The following PCSK6 variants were observed in gnomAD, a reference collection of about 807,000 sequenced individuals.
PCSK6 encodes proprotein convertase subtilisin/kexin type 6, also known as paired basic amino acid cleaving enzyme 4.
PCSK6 carries 85 observed loss-of-function variants against 123.3 expected under a neutral mutation model. The observed-to-expected ratio is 0.69, with a 90% CI of 0.58 to 0.83. The LOEUF (loss-of-function observed/expected upper bound fraction) is 0.83. Among genes scored for constraint, PCSK6 ranks in the 40% least tolerant of loss-of-function variants. PCSK6 has a pLI of 0.00. For missense variants in PCSK6, 1,191 were observed against 1,282.3 expected (o/e 0.93, Z 1.09); for synonymous variants, 508 against 516.0 (o/e 0.98, Z 0.21).
At chr15:101,384,882 T>G (rs2042015357) in intron 9 of PCSK6, among the ~76,000 whole-genome samples, 1 of 152,228 alleles carries the variant, frequency 6.6e-6, no homozygotes, top group South Asian at 2.1e-4. Context: ...TAATTCAAGA[T>G]TTTATATATG....
At chr15:101,426,268 G>A (rs538365877) in intron 6 of PCSK6, among the ~76,000 whole-genome samples, 1 of 152,220 alleles carries the variant, frequency 6.6e-6, no homozygotes. Context: ...AAACTGGGGA[G>A]GCAGCTGCCT....
intron 11 of PCSK6, among the ~76,000 whole-genome samples, chr15:101,381,713 T>G (rs1350571676): frequency 6.6e-6 from 1 of 152,180 alleles, no homozygotes; most frequent in African/African-American, 2.4e-5. Context: ...TAGCCGGTGG[T>G]GACAGAAAGG....
chr15:101,333,030 G>A (rs2040402806), intron 13 of PCSK6, among the ~76,000 whole-genome samples: 1 of 152,346 alleles, frequency 6.6e-6, no homozygotes, highest in South Asian at 2.1e-4. Flanking sequence ...TCCACCATAA[G>A]TTGAAAATAT....
chr15:101,477,494 T>G (rs1304985964), intron 1 of PCSK6, among the ~76,000 whole-genome samples: 2 of 152,240 alleles, frequency 1.3e-5, no homozygotes, highest in Non-Finnish European at 2.9e-5. Context: ...AACCTGCATA[T>G]GAGTGTGCAC....
At chr15:101,453,453 T>A (rs2057087232) in intron 1 of PCSK6, among the ~76,000 whole-genome samples, 2 of 152,164 alleles carry the variant, frequency 1.3e-5, no homozygotes, top group African/African-American at 4.8e-5. Flanking sequence ...TTGGGTGAGG[T>A]ACCCCCGATG....
intron 13 of PCSK6, 121 bp from the exon 14 acceptor site, chr15:101,332,152 C>A (rs1212716769): frequency 7.0e-6 from 6 of 856,206 alleles, no homozygotes; most frequent in South Asian, 5.6e-5. Context: ...GCTACCTTCA[C>A]TTCCTGGTTA....
intron 8 of PCSK6, among the ~76,000 whole-genome samples, chr15:101,390,434 C>G (rs903557): frequency 0.84 from 110,454 of 131,442 alleles, 46,493 homozygotes; most frequent in African/African-American, 0.89. Context: ...CGACCTTAAA[C>G]CAGGAAGATT....
intron 1 of PCSK6, among the ~76,000 whole-genome samples, chr15:101,460,375 C>T (rs2057314302): frequency 6.6e-6 from 1 of 152,238 alleles, no homozygotes; most frequent in South Asian, 2.1e-4. Context: ...ACCCAGGCCC[C>T]CTGCCTACCT....
chr15:101,337,012 T>TG, intron 13 of PCSK6: 1 of 139,548 alleles, frequency 7.2e-6, no homozygotes, highest in South Asian at 2.2e-4. Context: ...TCTCTCTCTC[T>TG]TTTTTTTTTT....
chr15:101,475,152 G>A (rs78261724), intron 1 of PCSK6, among the ~76,000 whole-genome samples: 11,519 of 152,136 alleles, frequency 0.076, 444 homozygotes, highest in East Asian at 0.12. Flanking sequence ...CCTATATTCC[G>A]TTCACTACTC....
At chr15:101,360,552 T>C (rs1215290766) in intron 13 of PCSK6, among the ~76,000 whole-genome samples, 29 of 119,206 alleles carry the variant, frequency 2.4e-4, no homozygotes, top group Non-Finnish European at 3.4e-4. Flanking sequence ...GGCCTTAGCA[T>C]CCCCTGGAAC....
At chr15:101,425,483 T>C (rs114023818) in intron 6 of PCSK6, among the ~76,000 whole-genome samples, 22 of 152,338 alleles carry the variant, frequency 1.4e-4, no homozygotes, top group African/African-American at 5.1e-4. Context: ...TCTTTATTGT[T>C]AGTTGTCACT....
chr15:101,380,280 C>G (rs189482334), intron 11 of PCSK6, among the ~76,000 whole-genome samples: 1 of 152,326 alleles, frequency 6.6e-6, no homozygotes, highest in Non-Finnish European at 1.5e-5. Flanking sequence ...ACTCTGCCAT[C>G]TTAAAACGAT....
chr15:101,324,856 C>T lies in PCSK6; in HGVS notation c.2371G>A (p.Asp791Asn), dbSNP rs1260794297. The T allele has an allele frequency of 2.5e-6, 4 of 1,610,202 alleles. No individual in the cohort carries two copies. Among genetic ancestry groups the T allele is most frequent in the East Asian group, 2.2e-5 (1 of 44,804 alleles). The change falls in exon 17 of 22, where the codon GAT becomes AAT. Residue 791 changes from aspartate to asparagine, a missense_variant. Asp to Asn is a conservative substitution (Grantham distance 23, BLOSUM62 1). Around this residue, in one of 3 missense-constraint regions of PCSK6, gnomAD observed 630 missense variants for 631.4 expected, o/e 1.00. Coordinates refer to ENST00000611716, the MANE Select transcript of PCSK6 (RefSeq NM_002570.5). ...CCACAAACAAGCCACTTACTTTCAT[C>T]AGCATAAAATCCTGCAGGACAGAGG... ...VTLCPAGFYADESQKNCLKCH... is the reference protein window; with the variant it reads ...VTLCPAGFYANESQKNCLKCH...
chr15:101,468,574 T>C (rs565138228), intron 1 of PCSK6, among the ~76,000 whole-genome samples: 2 of 152,336 alleles, frequency 1.3e-5, no homozygotes, highest in East Asian at 3.9e-4. Flanking sequence ...AGGTGGGCCA[T>C]GACTCCAGGA....
intron 8 of PCSK6, among the ~76,000 whole-genome samples, chr15:101,392,829 T>C (rs937753118): frequency 7.2e-5 from 11 of 152,184 alleles, no homozygotes; most frequent in Non-Finnish European, 1.3e-4. Context: ...AAACCAAGTC[T>C]TTCTCTTACT....
At chr15:101,483,043 T>A (rs1444244192) in intron 1 of PCSK6, among the ~76,000 whole-genome samples, 1 of 152,212 alleles carries the variant, frequency 6.6e-6, no homozygotes, top group South Asian at 2.1e-4. Context: ...ACAACCCTCA[T>A]CTTGCCTCTG....
In PCSK6 at chr15:101,478,200, C is replaced by T. The variant is rs114355691; in HGVS notation, c.297+11174G>A. On this transcript the variant is annotated intron_variant, in intron 1 of 21. Transcript: ENST00000611716. The stretch of plus-strand genomic sequence containing the variant: ...TGACCCTTACTACTATAGCAGGTTA[C>T]TCAGCCTCTGTGGGTCTCAGTTTGC... Among the ~76,000 whole-genome samples, 1,170 of 152,290 alleles carry T rather than the reference C, an allele frequency of 7.7e-3. 21 individuals are homozygous for T. Among genetic ancestry groups the T allele is most frequent in the African/African-American group, 0.026 (1,081 of 41,562 alleles).
At chr15:101,449,557 G>GCCA (rs937808923) in intron 1 of PCSK6, among the ~76,000 whole-genome samples, 64 of 152,274 alleles carry the variant, frequency 4.2e-4, no homozygotes, top group Middle Eastern at 6.8e-3. Flanking sequence ...GCCTCCTGGG[G>GCCA]CCACTGCTGG....
Sources: allele counts gnomAD v4.1 joint callset (sites outside exome capture counted in the v4.1 genomes callset), GRCh38; gene constraint gnomAD v4.1.1; regional missense constraint gnomAD v4.1.1; transcripts MANE v1.5; gene names NCBI Gene and HGNC (gene_info 2026-07-23, HGNC 2026-07-21).